SORCS1: variants seen among roughly 807,000 people sequenced by gnomAD.
SORCS1 encodes sortilin related VPS10 domain containing receptor 1.
In SORCS1, 60 loss-of-function variants were observed where a neutral mutation model predicts 146.1. The ratio of observed to expected loss-of-function variants is 0.41; its 90% CI spans 0.33 to 0.51. The LOEUF is 0.51. Ranked by LOEUF, SORCS1 falls within the 20% of genes least tolerant of loss-of-function variation. The pLI is 0.21. For synonymous variants in SORCS1, 637 were observed against 584.0 expected (o/e 1.09, Z -1.31); for missense variants, 1,352 against 1,487.6 (o/e 0.91, Z 1.50).
intron 3 of SORCS1, among the ~76,000 whole-genome samples, chr10:106,789,652 A>C (rs1946220525): frequency 6.6e-6 from 1 of 152,156 alleles, no homozygotes; most frequent in Non-Finnish European, 1.5e-5. Flanking sequence ...TTTGGTCAAA[A>C]CCATTCACCA....
At chr10:106,653,039 T>C (rs1407764859) in intron 17 of SORCS1, among the ~76,000 whole-genome samples, 1 of 152,180 alleles carries the variant, frequency 6.6e-6, no homozygotes, top group East Asian at 1.9e-4. Context: ...GCTACAGTAA[T>C]GGTGTAGCAC....
intron 15 of SORCS1, 33 bp downstream of exon 15, chr10:106,672,835 C>A (rs1414406332): frequency 1.3e-6 from 2 of 1,581,300 alleles, no homozygotes; most frequent in African/African-American, 1.3e-5. Context: ...ATGCTTCCTG[C>A]CCAGGCCTTA....
intron 2 of SORCS1, among the ~76,000 whole-genome samples, chr10:106,909,486 C>A (rs929423410): frequency 3.9e-5 from 6 of 152,170 alleles, no homozygotes; most frequent in African/African-American, 1.4e-4. Flanking sequence ...TCTTTGCCCC[C>A]AGACCATGCA....
chr10:107,087,416 T>C (rs1159920679), intron 1 of SORCS1, among the ~76,000 whole-genome samples: 3 of 152,302 alleles, frequency 2.0e-5, no homozygotes, highest in Admixed American at 6.5e-5. Context: ...TAAAAGACAA[T>C]GTAATATAAT....
chr10:106,612,050 C>G (rs781287974), intron 21 of SORCS1, 27 bp from the exon 22 acceptor site: 13 of 1,548,394 alleles, frequency 8.4e-6, no homozygotes, highest in Non-Finnish European at 1.2e-5. Context: ...AGATGGAGTA[C>G]TATAAGTCAA....
intron 1 of SORCS1, among the ~76,000 whole-genome samples, chr10:107,147,979 G>C (rs1362973290): frequency 6.6e-6 from 1 of 152,186 alleles, no homozygotes. Context: ...TCCAAATGAG[G>C]ACTTAAATAA....
chr10:106,974,911 C>T (rs1955930014), intron 1 of SORCS1, among the ~76,000 whole-genome samples: 1 of 152,160 alleles, frequency 6.6e-6, no homozygotes, highest in Non-Finnish European at 1.5e-5. Context: ...AATGTCTCTA[C>T]TTTTTAAATT....
rs149140867 is a variant in SORCS1, at chr10:106,784,392, C to CAA, written c.727-7702_727-7701dup. Among the ~76,000 whole-genome samples the CAA allele has an allele frequency of 3.0e-3, 303 of 102,254 alleles. 2 individuals carry two copies. The highest frequency in any genetic ancestry group is 0.011 in the African/African-American group (282 of 26,300). 67.1% of individuals were successfully genotyped at this position (102,254 alleles called of 152,430 possible). The stretch of plus-strand genomic sequence containing the variant: ...CCTGGGCGACAGAGGGAGACTCCGT[C>CAA]AAAAAAAAAAAAAAAAACCTAAACA... On this transcript the variant is annotated intron_variant, in intron 3 of 25. Transcript: ENST00000263054.
chr10:106,830,128 A>G (rs980934997), intron 2 of SORCS1, among the ~76,000 whole-genome samples: 1 of 152,202 alleles, frequency 6.6e-6, no homozygotes, highest in Non-Finnish European at 1.5e-5. Flanking sequence ...TTCAAAGGTC[A>G]GTCAGTCTTT....
chr10:107,003,438 G>GTA (rs1439666285), intron 1 of SORCS1, among the ~76,000 whole-genome samples: 5 of 113,016 alleles, frequency 4.4e-5, no homozygotes, highest in Admixed American at 3.8e-4. Flanking sequence ...AAGTGTGTGT[G>GTA]TGTGTGTGTG....
At chr10:106,689,658 C>G (rs542111725) in intron 9 of SORCS1, among the ~76,000 whole-genome samples, 2 of 152,146 alleles carry the variant, frequency 1.3e-5, no homozygotes, top group Non-Finnish European at 2.9e-5. Context: ...ACAAAACCTC[C>G]AATACTCACT....
chr10:106,917,081 C>T (rs1952481132), intron 2 of SORCS1, among the ~76,000 whole-genome samples: 1 of 152,132 alleles, frequency 6.6e-6, no homozygotes, highest in Admixed American at 6.6e-5. Flanking sequence ...TCATTTTTCA[C>T]CTGGCCAGCT....
chr10:106,980,644 G>T (rs1173613641), intron 1 of SORCS1, among the ~76,000 whole-genome samples: 2 of 152,152 alleles, frequency 1.3e-5, no homozygotes, highest in Non-Finnish European at 2.9e-5. Context: ...CCTGTAAGTG[G>T]CCTTGCTGAG....
At chr10:106,803,415 C>G (rs919074395) in intron 3 of SORCS1, among the ~76,000 whole-genome samples, 2 of 152,264 alleles carry the variant, frequency 1.3e-5, no homozygotes, top group Non-Finnish European at 2.9e-5. Flanking sequence ...TAGTTTTTAT[C>G]AAATCATTCA....
At chr10:106,989,354 G>A (rs1232951894) in intron 1 of SORCS1, among the ~76,000 whole-genome samples, 4 of 149,476 alleles carry the variant, frequency 2.7e-5, no homozygotes, top group Non-Finnish European at 5.9e-5. Flanking sequence ...TCCCTTGGTA[G>A]TACCTTGATT....
intron 2 of SORCS1, among the ~76,000 whole-genome samples, chr10:106,913,333 T>C (rs1952256985): frequency 6.6e-6 from 1 of 152,220 alleles, no homozygotes; most frequent in Admixed American, 6.5e-5. Flanking sequence ...ATGAACACTG[T>C]GGCTGGATTT....
intron 3 of SORCS1, among the ~76,000 whole-genome samples, chr10:106,794,529 G>A (rs572849303): frequency 5.9e-5 from 8 of 136,188 alleles, no homozygotes; most frequent in Non-Finnish European, 1.2e-4. Context: ...TTGAGACAGA[G>A]TCTCGCACTG....
intron 1 of SORCS1, among the ~76,000 whole-genome samples, chr10:107,084,472 C>T (rs1018738744): frequency 5.3e-5 from 8 of 151,726 alleles, no homozygotes; most frequent in Admixed American, 1.3e-4. Context: ...CTGTTTAAGC[C>T]ACGGTATGTA....
chr10:106,754,154 GTCTA>G (rs2136205115), intron 5 of SORCS1, among the ~76,000 whole-genome samples: 1 of 152,258 alleles, frequency 6.6e-6, no homozygotes, highest in African/African-American at 2.4e-5. Context: ...CTAGCCCGAG[GTCTA>G]TCTATGGGCA....
Sources: gnomAD v4.1 joint callset for allele counts (sites outside exome capture counted in the v4.1 genomes callset) on GRCh38, gnomAD v4.1.1 for gene constraint, MANE v1.5 for transcripts, NCBI Gene and HGNC (gene_info 2026-07-23, HGNC 2026-07-21) for gene names.